CSNK2A2IP: variants seen among roughly 807,000 people sequenced by gnomAD.
CSNK2A2IP encodes the protein casein kinase II subunit alpha'-interacting protein.
At chr3:88,355,627 C>A in the CSNK2A2IP span, among the ~76,000 whole-genome samples, 3 of 152,074 alleles carry the variant, frequency 2.0e-5, no homozygotes, top group Non-Finnish European at 4.4e-5. Flanking sequence ...TTTCTCTTTC[C>A]ATTTAACCCA....
the CSNK2A2IP span, among the ~76,000 whole-genome samples, chr3:88,388,526 A>G: frequency 2.0e-5 from 3 of 152,216 alleles, no homozygotes; most frequent in African/African-American, 7.2e-5. Context: ...AGGAAGTGCA[A>G]ATGTACAGAA....
At chr3:88,412,578 G>A in the CSNK2A2IP span, among the ~76,000 whole-genome samples, 1 of 151,960 alleles carries the variant, frequency 6.6e-6, no homozygotes, top group Non-Finnish European at 1.5e-5. Flanking sequence ...AATTTTTGTG[G>A]TTAGTGGGAA....
At chr3:88,362,121 G>A in the CSNK2A2IP span, among the ~76,000 whole-genome samples, 2 of 152,102 alleles carry the variant, frequency 1.3e-5, no homozygotes, top group Admixed American at 1.3e-4. Flanking sequence ...TAGTCTGTTT[G>A]GAGAGGTCAT....
the CSNK2A2IP span, among the ~76,000 whole-genome samples, chr3:88,352,969 T>C: frequency 6.6e-6 from 1 of 152,164 alleles, no homozygotes; most frequent in Non-Finnish European, 1.5e-5. Flanking sequence ...TCTACCAGCT[T>C]AGTAAACTCA....
At chr3:88,456,970 C>A in the CSNK2A2IP span, among the ~76,000 whole-genome samples, 4 of 152,082 alleles carry the variant, frequency 2.6e-5, no homozygotes, top group South Asian at 8.3e-4. Context: ...AACCCTTCAC[C>A]CAGATTTTTC....
chr3:88,391,984 G>T, the CSNK2A2IP span, among the ~76,000 whole-genome samples: 1 of 152,130 alleles, frequency 6.6e-6, no homozygotes, highest in Non-Finnish European at 1.5e-5. Context: ...AAGAAATGAC[G>T]GTGCATTGAT....
the CSNK2A2IP span, among the ~76,000 whole-genome samples, chr3:88,370,608 CTCTCTT>C: frequency 7.0e-4 from 89 of 126,330 alleles, no homozygotes; most frequent in East Asian, 0.011. Flanking sequence ...TTCTCTCTCT[CTCTCTT>C]TCTTTCTTTC....
At chr3:88,443,126 T>C in the CSNK2A2IP span, among the ~76,000 whole-genome samples, 1 of 152,154 alleles carries the variant, frequency 6.6e-6, no homozygotes, top group African/African-American at 2.4e-5. Context: ...TCAAATTTAA[T>C]GATTTTAATG....
chr3:88,441,999 T>A, the CSNK2A2IP span, among the ~76,000 whole-genome samples: 109 of 152,240 alleles, frequency 7.2e-4, no homozygotes, highest in Non-Finnish European at 1.1e-3. Flanking sequence ...TTTAAAAAAA[T>A]TTTATAGTTT....
the CSNK2A2IP span, among the ~76,000 whole-genome samples, chr3:88,396,596 A>C: frequency 6.6e-6 from 1 of 152,208 alleles, no homozygotes; most frequent in African/African-American, 2.4e-5. Context: ...GAGGAAACAC[A>C]GTGAGGTTAT....
the CSNK2A2IP span, among the ~76,000 whole-genome samples, chr3:88,390,720 G>C: frequency 6.6e-6 from 1 of 152,124 alleles, no homozygotes; most frequent in Non-Finnish European, 1.5e-5. Context: ...TGAGCAGTCT[G>C]AAATAATTAG....
At chr3:88,411,735 A>T in the CSNK2A2IP span, among the ~76,000 whole-genome samples, 34 of 151,914 alleles carry the variant, frequency 2.2e-4, no homozygotes, top group East Asian at 6.0e-3. Flanking sequence ...AATACTGCTG[A>T]TGAAAATTTA....
At chr3:88,462,114 CATAT>C in the CSNK2A2IP span, among the ~76,000 whole-genome samples, 15,773 of 143,058 alleles carry the variant, frequency 0.11, 1,234 homozygotes, top group Admixed American at 0.29. Context: ...GAGTTTTTTT[CATAT>C]ATATATATAT....
At chr3:88,433,940 G>C in the CSNK2A2IP span, among the ~76,000 whole-genome samples, 2 of 152,108 alleles carry the variant, frequency 1.3e-5, no homozygotes, top group East Asian at 1.9e-4. Context: ...GATCAGGACT[G>C]GTCATTTACT....
At chr3:88,414,514 C>A in the CSNK2A2IP span, among the ~76,000 whole-genome samples, 1 of 151,684 alleles carries the variant, frequency 6.6e-6, no homozygotes, top group Non-Finnish European at 1.5e-5. Context: ...ATCTCCTGAC[C>A]TCATGATCCA....
the CSNK2A2IP span, among the ~76,000 whole-genome samples, chr3:88,353,935 G>A: frequency 6.6e-6 from 1 of 152,154 alleles, no homozygotes; most frequent in African/African-American, 2.4e-5. Flanking sequence ...TGTGGGAGGT[G>A]TTTGGGTCAT....
the CSNK2A2IP span, among the ~76,000 whole-genome samples, chr3:88,435,685 G>A: frequency 5.9e-5 from 9 of 152,020 alleles, no homozygotes; most frequent in Admixed American, 2.0e-4. Flanking sequence ...CTAATGGCAC[G>A]TAGAGTACAA....
the CSNK2A2IP span, among the ~76,000 whole-genome samples, chr3:88,456,540 T>C: frequency 6.6e-6 from 1 of 152,080 alleles, no homozygotes; most frequent in East Asian, 1.9e-4. Context: ...TTTGTATGTT[T>C]ATTTTGTATC....
the CSNK2A2IP span, among the ~76,000 whole-genome samples, chr3:88,366,782 G>GA: frequency 2.6e-5 from 4 of 152,170 alleles, no homozygotes; most frequent in Non-Finnish European, 2.9e-5. Flanking sequence ...TCACACTGCT[G>GA]AAAAAGACGT....
Sources: gnomAD v4.1 joint callset for allele counts (sites outside exome capture counted in the v4.1 genomes callset) on GRCh38, gnomAD v4.1.1 for gene constraint, MANE v1.5 for transcripts, NCBI Gene and HGNC (gene_info 2026-07-23, HGNC 2026-07-21) for gene names.